Variants in USP9Y observed in about 807,000 individuals in gnomAD.
USP9Y encodes the protein ubiquitin specific peptidase 9 Y-linked.
In USP9Y, 41 loss-of-function variants were observed where a neutral mutation model predicts 53.1. The ratio of observed to expected loss-of-function variants is 0.77; its 90% confidence interval spans 0.60 to 1.00. USP9Y has a LOEUF of 1.00. Among genes scored for constraint, USP9Y ranks in the 50% least tolerant of loss-of-function variants. The pLI is 0.00. For synonymous variants in USP9Y, 220 were observed against 173.7 expected, an observed-to-expected ratio of 1.27 and a Z score of -2.09; for missense variants, 567 against 535.8, an observed-to-expected ratio of 1.06 and a Z score of -0.58.
At chrY:12,826,203 G>A in intron 33 of USP9Y, among the ~76,000 whole-genome samples, 2 of 31,248 alleles carry the variant, frequency 6.4e-5, no homozygotes, top group African/African-American at 2.5e-4. Flanking sequence ...CTCCCAAAGC[G>A]CTGGGATTAC....
chrY:12,856,841 AAG>A lies in USP9Y; in HGVS notation c.7433_7434del (p.Glu2478GlyfsTer4), dbSNP rs2053578060. ...GCAAAAGCTTGTGAACTCTGTCCAG[AAG>A]AGGTAAAAAAAAAAAAGGCTACCAA... is the stretch of plus-strand genomic sequence containing the variant. On this transcript the variant is annotated frameshift_variant and splice_region_variant, in exon 44 of 46. Coordinates refer to ENST00000338981, the MANE Select transcript of USP9Y (RefSeq NM_004654.4). LOFTEE classifies it high-confidence loss of function. The A allele has an allele frequency of 2.6e-6, 1 of 380,545 alleles. No homozygotes were observed. Among genetic ancestry groups the A allele is most frequent in the Non-Finnish European group, 3.7e-6 (1 of 273,610 alleles). The allele number at this position is 380,545 out of a possible 400,897, so 94.9% of individuals were successfully genotyped here.
At chrY:12,746,276 C>A (rs2053460562) in intron 12 of USP9Y, among the ~76,000 whole-genome samples, 1 of 33,401 alleles carries the variant, frequency 3.0e-5, no homozygotes, top group African/African-American at 1.2e-4. Context: ...TTCACCCTTG[C>A]ATTAGTTTAC....
intron 3 of USP9Y, among the ~76,000 whole-genome samples, chrY:12,718,995 A>ATTT (rs2053433103): frequency 3.0e-5 from 1 of 33,843 alleles, no homozygotes; most frequent in Non-Finnish European, 7.3e-5. Flanking sequence ...AAATAACTAT[A>ATTT]ATTTCAGTTT....
At position 12,856,786 on chromosome Y, in the gene USP9Y, G is replaced by C; in HGVS notation, c.7375G>C (p.Glu2459Gln). Residue 2459 changes from glutamate (E) to glutamine (Q), a missense_variant, in exon 44 of 46, where the codon GAA (glutamate) becomes CAA (glutamine). Physicochemically the swap from Glu to Gln is conservative, Grantham distance 29 (BLOSUM62 2). Transcript: ENST00000338981. Reference protein sequence around the residue: ...SNETANGYFLERSHSARMTLA... With the variant: ...SNETANGYFLQRSHSARMTLA... The stretch of plus-strand genomic sequence containing the variant: ...TGAAACAGCAAATGGTTATTTCTTA[G>C]AAAGATCACATAGTGCTAGGATGAC... 1 of 395,734 alleles carries C rather than the reference G, an allele frequency of 2.5e-6. No homozygotes were observed. The highest frequency in any genetic ancestry group is 3.5e-6 in the Non-Finnish European group (1 of 282,515).
chrY:12,810,580 A>G, intron 28 of USP9Y, 92 bp from the exon 29 acceptor site: 5 of 271,705 alleles, frequency 1.8e-5, no homozygotes, highest in Non-Finnish European at 2.3e-5. Flanking sequence ...GATATGAAAT[A>G]TTGCCAATTT....
chrY:12,781,632 T>C (rs2053498525), intron 22 of USP9Y, among the ~76,000 whole-genome samples: 1 of 34,233 alleles, frequency 2.9e-5, no homozygotes, highest in South Asian at 6.4e-4. Flanking sequence ...ATATTCTAAA[T>C]CCTTTGTTGT....
intron 5 of USP9Y, among the ~76,000 whole-genome samples, chrY:12,723,122 CT>C (rs2053437294): frequency 6.7e-5 from 2 of 30,020 alleles, no homozygotes; most frequent in South Asian, 7.4e-4. Context: ...ACATATTTAG[CT>C]TTTTTTTCTT....
At position 12,718,267 on chromosome Y, in the gene USP9Y, G is replaced by A. The variant is rs752812737; in HGVS notation, c.97-2322G>A. 7.4e-4 allele frequency among the ~76,000 whole-genome samples: 25 copies of A among 33,816 alleles called. No individual in the cohort carries two copies. In the East Asian group the frequency reaches 0.012, roughly 17 times the overall value. 90.7% of individuals were successfully genotyped at this position (33,816 alleles called of 37,273 possible). A position where few individuals can be genotyped will look rare whatever the true frequency, so the allele number is the denominator to read the frequency against. On this transcript the variant is annotated intron_variant, in intron 3 of 45. Coordinates refer to ENST00000338981, the MANE Select transcript of USP9Y (RefSeq NM_004654.4). ...TGTCTATATGTTTCTGGAGTATTCCGTTTTTCTTACCCAGGTAGCTTCTGC... is the reference window on the plus strand; with the variant it reads ...TGTCTATATGTTTCTGGAGTATTCCATTTTTCTTACCCAGGTAGCTTCTGC...
At chrY:12,804,706 G>A in intron 27 of USP9Y, among the ~76,000 whole-genome samples, 1 of 33,135 alleles carries the variant, frequency 3.0e-5, no homozygotes, top group African/African-American at 1.2e-4. Context: ...GATAAGAAAC[G>A]TGCTGGTGAT....
At chrY:12,729,809 G>C in intron 7 of USP9Y, among the ~76,000 whole-genome samples, 2 of 33,386 alleles carry the variant, frequency 6.0e-5, no homozygotes, top group South Asian at 1.3e-3. Flanking sequence ...AATATGTTAA[G>C]ATTTGTTTTG....
intron 39 of USP9Y, 28 bp from the exon 40 acceptor site, chrY:12,846,305 C>G (rs1186622138): frequency 2.6e-6 from 1 of 380,361 alleles, no homozygotes; most frequent in South Asian, 3.1e-5. Flanking sequence ...TTTTTTTCTA[C>G]ATATTATTTT....
chrY:12,748,622 T>G, intron 12 of USP9Y, among the ~76,000 whole-genome samples: 1 of 33,483 alleles, frequency 3.0e-5, no homozygotes, highest in Non-Finnish European at 7.4e-5. Flanking sequence ...CCTTACCTAC[T>G]TCTCTGGTCC....
intron 1 of USP9Y, among the ~76,000 whole-genome samples, chrY:12,707,981 G>A (rs2053420975): frequency 3.1e-5 from 1 of 32,322 alleles, no homozygotes; most frequent in African/African-American, 1.2e-4. Context: ...CTCGTGATCC[G>A]CCCGCCTCGG....
At chrY:12,855,366 C>G in intron 42 of USP9Y, among the ~76,000 whole-genome samples, 1 of 32,980 alleles carries the variant, frequency 3.0e-5, no homozygotes, top group African/African-American at 1.2e-4. Context: ...CATGCACCAC[C>G]ATGCCTGGCT....
At chrY:12,747,978 CCTCATTTCTACTAAAAATACAA>C (rs2053461670) in intron 12 of USP9Y, among the ~76,000 whole-genome samples, 3 of 32,622 alleles carry the variant, frequency 9.2e-5, no homozygotes, top group African/African-American at 2.4e-4. Context: ...TATAGTGAAA[CCTCATTTCTACTAAAAATACAA>C]AAAAATGAGC....
chrY:12,792,749 A>G, intron 26 of USP9Y, among the ~76,000 whole-genome samples: 1 of 33,948 alleles, frequency 2.9e-5, no homozygotes, highest in African/African-American at 1.2e-4. Context: ...AGAACTACTC[A>G]AAGACCCAAA....
intron 31 of USP9Y, among the ~76,000 whole-genome samples, chrY:12,814,527 CAAAAAAAAAAAAA>C (rs781072709): frequency 1.5e-3 from 2 of 1,301 alleles, no homozygotes; most frequent in Admixed American, 8.2e-3. Flanking sequence ...GACTCCGTCT[CAAAAAAAAAAAAA>C]AAAAAAAAAA....
At chrY:12,849,847 A>T (rs2053570419) in intron 42 of USP9Y, among the ~76,000 whole-genome samples, 1 of 19,004 alleles carries the variant, frequency 5.3e-5, no homozygotes, top group Admixed American at 5.8e-4. Context: ...TTGGTTTGCC[A>T]GTATTTTCTT....
At chrY:12,787,825 C>A in intron 24 of USP9Y, among the ~76,000 whole-genome samples, 1 of 32,730 alleles carries the variant, frequency 3.1e-5, no homozygotes, top group African/African-American at 1.2e-4. Context: ...TTATTATGGT[C>A]CTTGTTATGG....
Sources: allele counts gnomAD v4.1 joint callset (sites outside exome capture counted in the v4.1 genomes callset), GRCh38; gene constraint gnomAD v4.1.1; transcripts MANE v1.5; gene names NCBI Gene and HGNC (gene_info 2026-07-23, HGNC 2026-07-21).